Variants in SYNPR observed in about 807,000 individuals in gnomAD.
SYNPR encodes the protein synaptoporin.
A neutral mutation model predicts 32.9 loss-of-function variants in SYNPR; 23 were observed. The observed-to-expected ratio is 0.70, with a 90% CI of 0.50 to 0.99. SYNPR has a LOEUF of 0.99. Among genes scored for constraint, SYNPR ranks in the 50% least tolerant of loss-of-function variants. The probability of loss-of-function intolerance (pLI) is 0.00; values close to 1 mark genes in which losing one functional copy is unlikely to be tolerated. For missense variants in SYNPR, 318 were observed against 349.3 expected (o/e 0.91, Z 0.71); for synonymous variants, 146 against 135.9 (o/e 1.07, Z -0.52).
chr3:63,306,925 A>C (rs1228516065), intron 2 of SYNPR, among the ~76,000 whole-genome samples: 1 of 152,014 alleles, frequency 6.6e-6, no homozygotes, highest in East Asian at 1.9e-4. Context: ...CAAAATTTAC[A>C]TTCTCCTTGG....
upstream of SYNPR, among the ~76,000 whole-genome samples, chr3:63,277,611 G>C (rs1029018880): frequency 6.6e-6 from 1 of 152,100 alleles, no homozygotes; most frequent in Non-Finnish European, 1.5e-5. Flanking sequence ...TTTCATCCTT[G>C]CTAAATCTGT....
chr3:63,604,496 C>T (rs1387215539), intron 4 of SYNPR, among the ~76,000 whole-genome samples: 3 of 152,054 alleles, frequency 2.0e-5, no homozygotes, highest in Non-Finnish European at 4.4e-5. Context: ...ATAAACTTCC[C>T]TCTTAACACT....
intron 2 of SYNPR, among the ~76,000 whole-genome samples, chr3:63,342,458 G>A (rs545984727): frequency 6.6e-6 from 1 of 152,238 alleles, no homozygotes. Flanking sequence ...TTGCATACTA[G>A]AATAAATCCT....
At chr3:63,447,123 T>A (rs1157865801) in intron 2 of SYNPR, among the ~76,000 whole-genome samples, 1 of 152,148 alleles carries the variant, frequency 6.6e-6, no homozygotes. Flanking sequence ...TCCAACAGCA[T>A]TTATGAGAGT....
intron 3 of SYNPR, among the ~76,000 whole-genome samples, chr3:63,488,364 A>G (rs987010490): frequency 2.6e-5 from 4 of 152,182 alleles, no homozygotes; most frequent in African/African-American, 7.2e-5. Flanking sequence ...TTTGTGTATG[A>G]TGAGACCTGA....
chr3:63,267,527 G>A (rs2086500429), intron 3 of SYNPR: 1 of 152,172 alleles, frequency 6.6e-6, no homozygotes, highest in Non-Finnish European at 1.5e-5. Context: ...AAAGGATGGA[G>A]CCAATTTATG....
intron 4 of SYNPR, among the ~76,000 whole-genome samples, chr3:63,558,058 G>A (rs1702623101): frequency 6.6e-6 from 1 of 152,136 alleles, no homozygotes; most frequent in South Asian, 2.1e-4. Flanking sequence ...GTGAGAGCAG[G>A]TTGTTATAAA....
At chr3:63,452,072 G>A in intron 2 of SYNPR, 1 of 702,134 alleles carries the variant, frequency 1.4e-6, no homozygotes, top group Non-Finnish European at 2.6e-6. Flanking sequence ...CACACTCAAA[G>A]AAAGGGTTTC....
intron 1 of SYNPR, among the ~76,000 whole-genome samples, chr3:63,231,146 C>A (rs1397455676): frequency 1.3e-5 from 2 of 152,078 alleles, no homozygotes; most frequent in South Asian, 2.1e-4. Context: ...TATATGTATA[C>A]CATGGAATAG....
chr3:63,223,238 C>T, the SYNPR span, among the ~76,000 whole-genome samples: 1 of 151,734 alleles, frequency 6.6e-6, no homozygotes, highest in Non-Finnish European at 1.5e-5. Context: ...CTGGCCCAAA[C>T]AGGAAAGAGC....
chr3:63,596,191 A>G (rs1699956549), intron 4 of SYNPR, among the ~76,000 whole-genome samples: 1 of 148,032 alleles, frequency 6.8e-6, no homozygotes, highest in Non-Finnish European at 1.5e-5. Context: ...TCCTCCTCCT[A>G]TTTTTTCTCT....
At chr3:63,513,465 T>C (rs775491383) in intron 3 of SYNPR, among the ~76,000 whole-genome samples, 123 of 152,250 alleles carry the variant, frequency 8.1e-4, no homozygotes, top group Admixed American at 1.8e-3. Context: ...TTTGTCCTTT[T>C]TAATAGCTGC....
intron 3 of SYNPR, among the ~76,000 whole-genome samples, chr3:63,497,039 C>A (rs1701386825): frequency 6.6e-6 from 1 of 152,130 alleles, no homozygotes; most frequent in Non-Finnish European, 1.5e-5. Flanking sequence ...CACTGCAAGT[C>A]CTCGGTTGTA....
At chr3:63,319,012 G>A (rs1413814373) in intron 2 of SYNPR, among the ~76,000 whole-genome samples, 1 of 152,016 alleles carries the variant, frequency 6.6e-6, no homozygotes, top group African/African-American at 2.4e-5. Context: ...CCAAACTGCA[G>A]TGATTGTTGT....
chr3:63,307,262 C>T (rs2086918025), intron 2 of SYNPR, among the ~76,000 whole-genome samples: 2 of 151,998 alleles, frequency 1.3e-5, no homozygotes, highest in Admixed American at 1.3e-4. Context: ...GACTCAAACT[C>T]AGGCAGTCTG....
chr3:63,591,356 T>C (rs377629511), intron 4 of SYNPR, among the ~76,000 whole-genome samples: 1 of 130,268 alleles, frequency 7.7e-6, no homozygotes, highest in South Asian at 3.1e-4. Flanking sequence ...TACATGTTGG[T>C]GGGACTGTAA....
intron 2 of SYNPR, among the ~76,000 whole-genome samples, chr3:63,348,343 A>T (rs753149329): frequency 1.3e-5 from 2 of 151,896 alleles, no homozygotes; most frequent in African/African-American, 2.4e-5. Flanking sequence ...AGAAATGTCT[A>T]GTCATATGCT....
chr3:63,410,603 T>C (rs774969392), intron 2 of SYNPR, among the ~76,000 whole-genome samples: 41 of 152,172 alleles, frequency 2.7e-4, no homozygotes, highest in Non-Finnish European at 5.3e-4. Context: ...GCCTTGTATC[T>C]TTTAAACACC....
At chr3:63,403,670 C>A (rs1290926942) in intron 2 of SYNPR, among the ~76,000 whole-genome samples, 1 of 152,148 alleles carries the variant, frequency 6.6e-6, no homozygotes, top group African/African-American at 2.4e-5. Context: ...GGCCTACACC[C>A]CTCAACCATC....
Sources: gnomAD v4.1 joint callset for allele counts (sites outside exome capture counted in the v4.1 genomes callset) on GRCh38, gnomAD v4.1.1 for gene constraint, MANE v1.5 for transcripts, NCBI Gene and HGNC (gene_info 2026-07-23, HGNC 2026-07-21) for gene names.